Variants in PKNOX2 observed in about 807,000 individuals in gnomAD.
The protein encoded by PKNOX2 is PBX/knotted 1 homeobox 2.
PKNOX2 carries 14 observed loss-of-function variants against 53.1 expected under a neutral mutation model. That is an observed-to-expected ratio of 0.26 (90% CI 0.17 to 0.41). The LOEUF is 0.41. Ranked by LOEUF, PKNOX2 falls within the 10% of genes least tolerant of loss-of-function variation. The pLI, the probability that PKNOX2 is intolerant of heterozygous loss-of-function variation, is 1.00. For missense variants in PKNOX2, 496 were observed against 602.8 expected, an observed-to-expected ratio of 0.82 and a Z score of 1.85; for synonymous variants, 257 against 242.8, an observed-to-expected ratio of 1.06 and a Z score of -0.54.
chr11:125,265,335 T>A (rs1306996706), intron 2 of PKNOX2, among the ~76,000 whole-genome samples: 2 of 151,584 alleles, frequency 1.3e-5, no homozygotes, highest in Admixed American at 6.6e-5. Context: ...AGACTTTAAC[T>A]TAGGGCTTCC....
chr11:125,273,513 C>T (rs189690209), intron 2 of PKNOX2, among the ~76,000 whole-genome samples: 1 of 152,274 alleles, frequency 6.6e-6, no homozygotes, highest in African/African-American at 2.4e-5. Context: ...GAAAAAGGTT[C>T]TCAACTTTGG....
chr11:125,378,583 C>T (rs1442376044), intron 5 of PKNOX2, among the ~76,000 whole-genome samples: 1 of 152,122 alleles, frequency 6.6e-6, no homozygotes, highest in Non-Finnish European at 1.5e-5. Context: ...CGGAAGGAGC[C>T]GGGGGGCTCC....
chr11:125,263,569 C>G (rs754713495), intron 2 of PKNOX2, among the ~76,000 whole-genome samples: 1 of 152,238 alleles, frequency 6.6e-6, no homozygotes, highest in Non-Finnish European at 1.5e-5. Flanking sequence ...AACAATTCCC[C>G]TACTCAGCCG....
chr11:125,219,782 T>C (rs1002178265), intron 1 of PKNOX2, among the ~76,000 whole-genome samples: 1 of 152,242 alleles, frequency 6.6e-6, no homozygotes, highest in African/African-American at 2.4e-5. Flanking sequence ...GGCAAGGCCC[T>C]GGGGAAACAG....
chr11:125,398,176 C>A, intron 7 of PKNOX2, 114 bp downstream of exon 7: 2 of 1,135,280 alleles, frequency 1.8e-6, no homozygotes, highest in Non-Finnish European at 1.2e-6. Context: ...CCACTGGGTT[C>A]CTTTGCCATG....
chr11:125,282,027 C>T (rs998881261), intron 2 of PKNOX2, among the ~76,000 whole-genome samples: 6 of 152,210 alleles, frequency 3.9e-5, no homozygotes, highest in African/African-American at 1.4e-4. Flanking sequence ...GCTGCTGCCA[C>T]GCCAGTGCTG....
At chr11:125,268,566 C>T (rs1175898942) in intron 2 of PKNOX2, among the ~76,000 whole-genome samples, 2 of 152,122 alleles carry the variant, frequency 1.3e-5, no homozygotes, top group Non-Finnish European at 2.9e-5. Flanking sequence ...TTGGTGACTT[C>T]GGGAAGTTAG....
At chr11:125,279,363 C>T (rs1016634384) in intron 2 of PKNOX2, among the ~76,000 whole-genome samples, 2 of 152,142 alleles carry the variant, frequency 1.3e-5, no homozygotes, top group African/African-American at 4.8e-5. Flanking sequence ...CAAAACCTAG[C>T]GGGGAACATC....
intron 6 of PKNOX2, among the ~76,000 whole-genome samples, chr11:125,388,670 C>T (rs186823361): frequency 6.0e-4 from 92 of 152,204 alleles, no homozygotes; most frequent in African/African-American, 1.8e-3. Flanking sequence ...CAACAAGCCC[C>T]GCATTTGAAC....
intron 2 of PKNOX2, among the ~76,000 whole-genome samples, chr11:125,320,964 T>C (rs566935147): frequency 6.6e-6 from 1 of 152,202 alleles, no homozygotes; most frequent in Admixed American, 6.5e-5. Flanking sequence ...TTACTCCAGT[T>C]TGGATGATAT....
At chr11:125,311,184 G>A (rs1948780031) in intron 2 of PKNOX2, among the ~76,000 whole-genome samples, 1 of 152,126 alleles carries the variant, frequency 6.6e-6, no homozygotes, top group Non-Finnish European at 1.5e-5. Flanking sequence ...AATCATCACA[G>A]AACTCAGATT....
intron 4 of PKNOX2, among the ~76,000 whole-genome samples, chr11:125,361,420 C>A (rs1951918577): frequency 6.6e-6 from 1 of 152,154 alleles, no homozygotes; most frequent in Non-Finnish European, 1.5e-5. Flanking sequence ...AGATGAGAAA[C>A]CTGAAACCCC....
At chr11:125,239,180 A>G (rs980165573) in intron 2 of PKNOX2, among the ~76,000 whole-genome samples, 2 of 152,254 alleles carry the variant, frequency 1.3e-5, no homozygotes, top group African/African-American at 2.4e-5. Context: ...TACTCTCCAT[A>G]AAAGTTCACT....
intron 1 of PKNOX2, among the ~76,000 whole-genome samples, chr11:125,234,407 A>G (rs1429711707): frequency 6.6e-6 from 1 of 152,184 alleles, no homozygotes; most frequent in Non-Finnish European, 1.5e-5. Flanking sequence ...ACAAAATTGT[A>G]TTATCTCAGA....
At chr11:125,308,309 G>A (rs1005350157) in intron 2 of PKNOX2, among the ~76,000 whole-genome samples, 14 of 152,120 alleles carry the variant, frequency 9.2e-5, no homozygotes, top group Middle Eastern at 3.2e-3. Context: ...CAGCTGCCTC[G>A]GAGCTCAGGA....
intron 2 of PKNOX2, among the ~76,000 whole-genome samples, chr11:125,312,946 A>T (rs1023490945): frequency 5.3e-5 from 8 of 152,202 alleles, no homozygotes; most frequent in Admixed American, 4.6e-4. Context: ...GAACAGAGGC[A>T]TAAGGAAGGC....
At chr11:125,247,748 G>C (rs1943669414) in intron 2 of PKNOX2, among the ~76,000 whole-genome samples, 1 of 152,104 alleles carries the variant, frequency 6.6e-6, no homozygotes, top group Non-Finnish European at 1.5e-5. Context: ...AGGATTTGCT[G>C]TCTCCCCACC....
rs1442987207 is a variant in PKNOX2 at position 125,351,291 on chromosome 11, A to G, written c.-15A>G. ...CCTTTCTCCTGCCCACAGGTCCTCCATGTGAATCAATCCCATGATGCAACA... is the reference window on the plus strand; with the variant it reads ...CCTTTCTCCTGCCCACAGGTCCTCCGTGTGAATCAATCCCATGATGCAACA... On this transcript the variant is annotated 5_prime_UTR_variant, in exon 4 of 13. The change abolishes an upstream ATG in the 5' untranslated region. Coordinates refer to ENST00000298282, the MANE Select transcript of PKNOX2 (RefSeq NM_001382323.2). 6.4e-7 allele frequency: 1 copy of G among 1,557,818 alleles called. No individual in the cohort carries two copies. Among genetic ancestry groups the G allele is most frequent in the Non-Finnish European group, 8.8e-7 (1 of 1,132,196 alleles).
chr11:125,172,647 C>T (rs998345226), intron 1 of PKNOX2, among the ~76,000 whole-genome samples: 2 of 152,200 alleles, frequency 1.3e-5, no homozygotes, highest in African/African-American at 4.8e-5. Context: ...CTTGAACTTG[C>T]TCTCAGAGGT....
Sources: gnomAD v4.1 joint callset for allele counts (sites outside exome capture counted in the v4.1 genomes callset) on GRCh38, gnomAD v4.1.1 for gene constraint, MANE v1.5 for transcripts, NCBI Gene and HGNC (gene_info 2026-07-23, HGNC 2026-07-21) for gene names.